Variants in LRP1B observed in about 807,000 individuals in gnomAD.
LRP1B encodes LDL receptor related protein 1B, also known as low-density lipoprotein receptor-related protein 1B.
LRP1B carries 217 observed loss-of-function variants against 556.6 expected under a neutral mutation model. The observed-to-expected ratio is 0.39, with a 90% confidence interval of 0.35 to 0.44. The LOEUF (loss-of-function observed/expected upper bound fraction) is 0.44, where lower values mean the gene tolerates loss of function less well. Among genes scored for constraint, LRP1B ranks in the 20% least tolerant of loss-of-function variants. The pLI, the probability that LRP1B is intolerant of heterozygous loss-of-function variation, is 1.00. For missense variants in LRP1B, 5,053 were observed against 5,620.8 expected, an observed-to-expected ratio of 0.90 and a Z score of 3.23; for synonymous variants, 2,047 against 1,865.8, an observed-to-expected ratio of 1.10 and a Z score of -2.50.
intron 31 of LRP1B, among the ~76,000 whole-genome samples, chr2:140,818,660 C>G (rs949078492): frequency 2.0e-5 from 3 of 152,024 alleles, no homozygotes; most frequent in African/African-American, 7.2e-5. Flanking sequence ...GCTGGCTGGG[C>G]ACTGTGGCTC....
At chr2:141,122,115 G>T (rs2104999398) in intron 7 of LRP1B, among the ~76,000 whole-genome samples, 1 of 152,230 alleles carries the variant, frequency 6.6e-6, no homozygotes, top group East Asian at 1.9e-4. Context: ...ATGGATTAAA[G>T]ACTTAAATGT....
intron 3 of LRP1B, among the ~76,000 whole-genome samples, chr2:141,437,322 C>T (rs997858192): frequency 1.3e-5 from 2 of 151,566 alleles, no homozygotes; most frequent in East Asian, 3.9e-4. Flanking sequence ...AATAAAAGTA[C>T]CGAAGGAAGG....
At chr2:141,829,787 G>A (rs868005084) in intron 1 of LRP1B, among the ~76,000 whole-genome samples, 2 of 151,930 alleles carry the variant, frequency 1.3e-5, no homozygotes, top group Admixed American at 6.6e-5. Context: ...CTTCAACGAA[G>A]TCTTAAATAC....
chr2:141,097,350 A>G (rs1457913199), intron 7 of LRP1B, among the ~76,000 whole-genome samples: 1 of 152,152 alleles, frequency 6.6e-6, no homozygotes, highest in African/African-American at 2.4e-5. Flanking sequence ...TTTCTCTAAT[A>G]CCTATCATTT....
intron 1 of LRP1B, among the ~76,000 whole-genome samples, chr2:141,819,126 T>C (rs1696667837): frequency 6.6e-6 from 1 of 151,190 alleles, no homozygotes; most frequent in Non-Finnish European, 1.5e-5. Context: ...GTATCCCAGC[T>C]ACTCAGGAGG....
chr2:141,005,889 A>G (rs1429049487), intron 14 of LRP1B, among the ~76,000 whole-genome samples: 1 of 152,000 alleles, frequency 6.6e-6, no homozygotes, highest in East Asian at 1.9e-4. Flanking sequence ...TCTCTTGTGC[A>G]GTATACACCG....
chr2:141,042,886 C>T (rs577754071), intron 11 of LRP1B, among the ~76,000 whole-genome samples: 1 of 151,806 alleles, frequency 6.6e-6, no homozygotes, highest in African/African-American at 2.4e-5. Context: ...ATTTTGTACT[C>T]TTGGGCCCAT....
At chr2:141,788,287 T>A (rs2105655071) in intron 2 of LRP1B, among the ~76,000 whole-genome samples, 1 of 152,126 alleles carries the variant, frequency 6.6e-6, no homozygotes, top group African/African-American at 2.4e-5. Context: ...ACTGAAGTGA[T>A]GATTCCTAAC....
intron 7 of LRP1B, among the ~76,000 whole-genome samples, chr2:141,134,042 C>T (rs1205622789): frequency 6.6e-6 from 1 of 151,866 alleles, no homozygotes; most frequent in Non-Finnish European, 1.5e-5. Flanking sequence ...TTTCCTTTCT[C>T]AGTGACTAGT....
chr2:141,093,909 G>T (rs574462569), intron 7 of LRP1B, among the ~76,000 whole-genome samples: 1 of 151,934 alleles, frequency 6.6e-6, no homozygotes, highest in Non-Finnish European at 1.5e-5. Flanking sequence ...TAGAGACAGC[G>T]TTTCACCACA....
intron 2 of LRP1B, among the ~76,000 whole-genome samples, chr2:141,757,514 G>A (rs1174031425): frequency 3.3e-5 from 5 of 152,126 alleles, no homozygotes; most frequent in African/African-American, 9.7e-5. Flanking sequence ...ATCCATAAGT[G>A]CATAAGCTTT....
At position 140,269,184 on chromosome 2, in the gene LRP1B, T is replaced by G. The variant is rs373680587; in HGVS notation, c.13247+1058A>C. 224 of 444,020 alleles carry G rather than the reference T, an allele frequency of 5.0e-4. 4 individuals carry two copies. Among genetic ancestry groups the G allele is most frequent in the South Asian group, 3.7e-3 (218 of 59,496 alleles). 27.5% of individuals were successfully genotyped at this position (444,020 alleles called of 1,614,324 possible). On this transcript the variant is annotated intron_variant, in intron 86 of 90. Coordinates refer to ENST00000389484, the MANE Select transcript of LRP1B (RefSeq NM_018557.3). ...TTAAGTATACTCTGTGAAATGCATG[T>G]GGATGTTCATGATTTAAACCAATGA... is the stretch of plus-strand genomic sequence containing the variant.
At chr2:140,393,315 A>C (rs1351219677) in intron 66 of LRP1B, among the ~76,000 whole-genome samples, 4 of 151,738 alleles carry the variant, frequency 2.6e-5, no homozygotes, top group Non-Finnish European at 5.9e-5. Flanking sequence ...CTACCTAAAC[A>C]AATTGAAATT....
chr2:141,502,472 AG>A (rs1203595202), intron 2 of LRP1B, among the ~76,000 whole-genome samples: 1 of 152,198 alleles, frequency 6.6e-6, no homozygotes, highest in African/African-American at 2.4e-5. Flanking sequence ...TTAAAATAAA[AG>A]GTTACGATCT....
chr2:141,690,949 C>A lies in LRP1B; in HGVS notation c.205+119330G>T, dbSNP rs376375139. ...AGGACCACATGAGACATACGGGGGACGAAAGATACATTCTAAGAGCAAATG... is the reference window on the plus strand; with the variant it reads ...AGGACCACATGAGACATACGGGGGAAGAAAGATACATTCTAAGAGCAAATG... On this transcript the variant is annotated intron_variant, in intron 2 of 90. Transcript: ENST00000389484. 1.1e-3 allele frequency among the ~76,000 whole-genome samples: 163 copies of A among 151,564 alleles called. 1 individual carries two copies. Among genetic ancestry groups the A allele is most frequent in the Non-Finnish European group, 2.1e-3 (144 of 67,816 alleles).
At chr2:141,095,422 T>C (rs1443426251) in intron 7 of LRP1B, among the ~76,000 whole-genome samples, 1 of 113,764 alleles carries the variant, frequency 8.8e-6, no homozygotes, top group Non-Finnish European at 2.0e-5. Context: ...AAGTTTATAA[T>C]GAAGATATTG....
chr2:142,090,746 A>T (rs1373893265), intron 1 of LRP1B, among the ~76,000 whole-genome samples: 2 of 152,110 alleles, frequency 1.3e-5, no homozygotes, highest in African/African-American at 4.8e-5. Context: ...ACTTACTCTT[A>T]GCCTCTAGGG....
intron 62 of LRP1B, among the ~76,000 whole-genome samples, chr2:140,454,147 T>G (rs1166856107): frequency 1.3e-5 from 2 of 152,126 alleles, no homozygotes; most frequent in Non-Finnish European, 2.9e-5. Context: ...TCTTTCTTTT[T>G]TTATTTGTTT....
intron 7 of LRP1B, among the ~76,000 whole-genome samples, chr2:141,081,363 GAAT>G (rs1699918249): frequency 6.6e-6 from 1 of 152,084 alleles, no homozygotes; most frequent in Admixed American, 6.5e-5. Context: ...ATTTAAAAAA[GAAT>G]AATGCCTAAG....
Sources: allele counts gnomAD v4.1 joint callset (sites outside exome capture counted in the v4.1 genomes callset), GRCh38; gene constraint gnomAD v4.1.1; transcripts MANE v1.5; gene names NCBI Gene and HGNC (gene_info 2026-07-23, HGNC 2026-07-21).